Variants in PDE3A observed in about 807,000 individuals in gnomAD.
PDE3A encodes the protein cGMP-inhibited 3',5'-cyclic phosphodiesterase 3A.
PDE3A carries 43 observed loss-of-function variants against 98.3 expected under a neutral mutation model. That is an observed-to-expected ratio of 0.44 (90% CI 0.34 to 0.56). The LOEUF (loss-of-function observed/expected upper bound fraction) is 0.56, where lower values mean the gene tolerates loss of function less well. PDE3A is among the 20% of genes least tolerant of loss of function. PDE3A has a pLI of 0.01. For synonymous variants in PDE3A, 663 were observed against 567.9 expected, an observed-to-expected ratio of 1.17 and a Z score of -2.38; for missense variants, 1,427 against 1,440.7, an observed-to-expected ratio of 0.99 and a Z score of 0.15.
rs1945862929 is a variant in PDE3A at position 20,683,713 on chromosome 12, A to ATATC, written c.*3446_*3449dup. ...GAAGACAGTAGCTCTGTACAGGGAT[A>ATATC]TATCTATATTAGTCTTCATCTGATG... On this transcript the variant is annotated 3_prime_UTR_variant, in exon 16 of 16. Transcript: ENST00000359062. The ATATC allele has an allele frequency of 6.6e-6, 1 of 152,198 alleles. No individual in the cohort carries two copies. The highest frequency in any genetic ancestry group is 2.4e-5 in the African/African-American group (1 of 41,464). The allele number at this position is 152,198 out of a possible 1,614,324, so 9.4% of individuals were successfully genotyped here. A position where few individuals can be genotyped will look rare whatever the true frequency, so the allele number is the denominator to read the frequency against.
intron 1 of PDE3A, among the ~76,000 whole-genome samples, chr12:20,442,228 A>G (rs553953707): frequency 1.3e-5 from 2 of 152,298 alleles, no homozygotes; most frequent in South Asian, 4.1e-4. Flanking sequence ...TTTTACCCCA[A>G]ATTTCCAGTG....
At chr12:20,601,300 A>G (rs899022133) in intron 2 of PDE3A, among the ~76,000 whole-genome samples, 2 of 152,120 alleles carry the variant, frequency 1.3e-5, no homozygotes, top group African/African-American at 4.8e-5. Flanking sequence ...TTTTCAGAGT[A>G]TGAATGGAAT....
intron 1 of PDE3A, among the ~76,000 whole-genome samples, chr12:20,445,273 G>T (rs1201852033): frequency 1.3e-5 from 2 of 152,054 alleles, no homozygotes; most frequent in Non-Finnish European, 2.9e-5. Context: ...CTTTTTCCCT[G>T]CTTTGTCCTG....
intron 15 of PDE3A, among the ~76,000 whole-genome samples, chr12:20,668,214 G>A (rs1451628516): frequency 1.1e-4 from 17 of 152,202 alleles, no homozygotes; most frequent in South Asian, 6.2e-4. Flanking sequence ...ACAGAGTCTC[G>A]CTGATTGCTA....
intron 1 of PDE3A, among the ~76,000 whole-genome samples, chr12:20,465,928 T>C (rs1945334085): frequency 6.6e-6 from 1 of 152,126 alleles, no homozygotes; most frequent in South Asian, 2.1e-4. Flanking sequence ...TCATCTTAGA[T>C]CTCCCTTTTG....
chr12:20,391,656 A>G (rs1943917773), intron 1 of PDE3A, among the ~76,000 whole-genome samples: 1 of 151,404 alleles, frequency 6.6e-6, no homozygotes, highest in Non-Finnish European at 1.5e-5. Flanking sequence ...ACAGGATTGG[A>G]GGGAAATTAA....
At chr12:20,536,799 A>T (rs1352194737) in intron 1 of PDE3A, among the ~76,000 whole-genome samples, 1 of 152,048 alleles carries the variant, frequency 6.6e-6, no homozygotes, top group African/African-American at 2.4e-5. Context: ...GTTAGTAGAC[A>T]TTTTAGTTGT....
At chr12:20,395,588 A>G (rs5018301) in intron 1 of PDE3A, among the ~76,000 whole-genome samples, 9,675 of 146,980 alleles carry the variant, frequency 0.066, 408 homozygotes, top group Admixed American at 0.094. Context: ...TTATATATGT[A>G]TACTATGTAT....
chr12:20,563,200 C>T (rs546672464), intron 2 of PDE3A, among the ~76,000 whole-genome samples: 1 of 152,264 alleles, frequency 6.6e-6, no homozygotes, highest in East Asian at 1.9e-4. Context: ...AGTTGATTAA[C>T]CTAATCATTT....
chr12:20,477,200 G>A (rs1019612951), intron 1 of PDE3A, among the ~76,000 whole-genome samples: 15 of 152,116 alleles, frequency 9.9e-5, no homozygotes, highest in African/African-American at 3.1e-4. Context: ...TTCAGTGTCC[G>A]TTGCATATAT....
intron 5 of PDE3A, among the ~76,000 whole-genome samples, chr12:20,623,906 A>G (rs1944198563): frequency 6.6e-6 from 1 of 152,172 alleles, no homozygotes; most frequent in Non-Finnish European, 1.5e-5. Flanking sequence ...CCATGGGTCA[A>G]TCCAAACAAA....
intron 1 of PDE3A, among the ~76,000 whole-genome samples, chr12:20,476,353 T>C (rs1295974018): frequency 3.9e-5 from 6 of 152,226 alleles, no homozygotes; most frequent in Non-Finnish European, 1.5e-5. Flanking sequence ...TAATATTTGA[T>C]TTTATGATAT....
intron 15 of PDE3A, among the ~76,000 whole-genome samples, chr12:20,666,398 C>T (rs1365838353): frequency 2.6e-5 from 4 of 152,166 alleles, no homozygotes; most frequent in South Asian, 4.1e-4. Flanking sequence ...TGTTTGTGCT[C>T]ATTAATCAAT....
intron 1 of PDE3A, among the ~76,000 whole-genome samples, chr12:20,430,916 ATACAGGGC>A (rs113632083): frequency 8.5e-4 from 129 of 152,278 alleles, no homozygotes; most frequent in African/African-American, 3.1e-3. Context: ...CCATGTTCTT[ATACAGGGC>A]TATAGATATC....
At chr12:20,581,644 G>A (rs1245782743) in intron 2 of PDE3A, among the ~76,000 whole-genome samples, 4 of 132,156 alleles carry the variant, frequency 3.0e-5, no homozygotes, top group Non-Finnish European at 4.6e-5. Context: ...ACGGAGTCTC[G>A]CTCTGTCGCC....
chr12:20,667,741 G>C (rs12580616), intron 15 of PDE3A, among the ~76,000 whole-genome samples: 6,772 of 152,104 alleles, frequency 0.045, 266 homozygotes, highest in African/African-American at 0.099. Flanking sequence ...GGATTGCTTT[G>C]GCTACTCAAG....
intron 1 of PDE3A, chr12:20,551,558 C>T (rs1266415187): frequency 2.1e-6 from 3 of 1,454,938 alleles, no homozygotes; most frequent in African/African-American, 2.8e-5. Flanking sequence ...ACTAGTTACG[C>T]GACCCCCGAG....
At chr12:20,616,705 C>A (rs901361907) in intron 4 of PDE3A, among the ~76,000 whole-genome samples, 1 of 151,920 alleles carries the variant, frequency 6.6e-6, no homozygotes, top group Non-Finnish European at 1.5e-5. Flanking sequence ...ATACCGAGAC[C>A]CTTAAATCAA....
intron 2 of PDE3A, chr12:20,572,176 G>A: frequency 3.3e-6 from 4 of 1,203,192 alleles, no homozygotes; most frequent in Non-Finnish European, 4.4e-6. Context: ...GAAAAGGTAT[G>A]AATAACCTTT....
Sources: gnomAD v4.1 joint callset for allele counts (sites outside exome capture counted in the v4.1 genomes callset) on GRCh38, gnomAD v4.1.1 for gene constraint, MANE v1.5 for transcripts, NCBI Gene and HGNC (gene_info 2026-07-23, HGNC 2026-07-21) for gene names.